Variants in MIPEP observed in about 807,000 individuals in gnomAD.
The protein encoded by MIPEP is mitochondrial intermediate peptidase.
MIPEP carries 79 observed loss-of-function variants against 90.3 expected under a neutral mutation model. The observed-to-expected ratio is 0.87, with a 90% CI of 0.73 to 1.05. The LOEUF (loss-of-function observed/expected upper bound fraction) is 1.05. Ranked by LOEUF, MIPEP falls within the 50% of genes least tolerant of loss-of-function variation. MIPEP has a pLI of 0.00. For synonymous variants in MIPEP, 334 were observed against 315.8 expected (o/e 1.06, Z -0.61); for missense variants, 940 against 905.6 (o/e 1.04, Z -0.49).
intron 18 of MIPEP, among the ~76,000 whole-genome samples, chr13:23,738,461 T>TTTTC (rs1952288545): frequency 6.6e-6 from 1 of 151,508 alleles, no homozygotes; most frequent in Non-Finnish European, 1.5e-5. Context: ...TTTTTTTTTT[T>TTTTC]TTTCTTGAGA....
At chr13:23,832,150 T>G (rs1868800002) in intron 14 of MIPEP, among the ~76,000 whole-genome samples, 1 of 152,152 alleles carries the variant, frequency 6.6e-6, no homozygotes, top group African/African-American at 2.4e-5. Flanking sequence ...ATCCATTGAT[T>G]ATAATGGATT....
intron 16 of MIPEP, among the ~76,000 whole-genome samples, chr13:23,763,996 A>T (rs1481810244): frequency 6.6e-6 from 1 of 152,240 alleles, no homozygotes; most frequent in Non-Finnish European, 1.5e-5. Flanking sequence ...AATAAAATAT[A>T]GCATTTCATC....
rs367730807 is a variant in MIPEP, at chr13:23,889,281, C to T, written c.40G>A (p.Ala14Thr). Residue 14 changes from alanine (A) to threonine (T), a missense_variant, in exon 1 of 19, where the codon GCA (alanine) becomes ACA (threonine). Ala to Thr is a moderately conservative substitution (Grantham distance 58). Coordinates refer to ENST00000382172, the MANE Select transcript of MIPEP (RefSeq NM_005932.4). ...VGRLGGLGAR[A>T]AALPPRRAGR... ...GCCCGGCGGGGCGGCAGAGCTGCTG[C>T]TCTGGCTCCCAAGCCGCCCAGCCTT... 1,115 of 1,374,058 alleles carry T rather than the reference C, an allele frequency of 8.1e-4. 3 individuals carry two copies. The Middle Eastern group carries it at 0.01, about 13-fold the overall frequency. 85.1% of individuals were successfully genotyped at this position (1,374,058 alleles called of 1,614,324 possible). A position where few individuals can be genotyped will look rare whatever the true frequency, so the allele number is the denominator to read the frequency against.
intron 18 of MIPEP, among the ~76,000 whole-genome samples, chr13:23,740,543 G>T (rs1173555978): frequency 1.3e-5 from 2 of 151,646 alleles, no homozygotes; most frequent in Admixed American, 6.6e-5. Flanking sequence ...TTATTAAAAA[G>T]AATTTAATGA....
At chr13:23,880,391 CT>C (rs1322017712) in intron 3 of MIPEP, among the ~76,000 whole-genome samples, 1 of 152,242 alleles carries the variant, frequency 6.6e-6, no homozygotes, top group Non-Finnish European at 1.5e-5. Context: ...AGCTCAGAGG[CT>C]GCCCGCACTG....
At chr13:23,846,034 A>T (rs556107040) in intron 10 of MIPEP, among the ~76,000 whole-genome samples, 1 of 151,162 alleles carries the variant, frequency 6.6e-6, no homozygotes, top group Non-Finnish European at 1.5e-5. Context: ...CCTGCCTCCT[A>T]ATTTTGATAC....
intron 16 of MIPEP, among the ~76,000 whole-genome samples, chr13:23,795,966 G>T (rs1393794396): frequency 1.3e-5 from 2 of 152,004 alleles, no homozygotes; most frequent in African/African-American, 4.8e-5. Context: ...ATGCACTCCA[G>T]CCTAAGTGAT....
intron 16 of MIPEP, among the ~76,000 whole-genome samples, chr13:23,797,130 T>C (rs1360176064): frequency 6.6e-6 from 1 of 152,194 alleles, no homozygotes; most frequent in East Asian, 1.9e-4. Flanking sequence ...AATGAGAACA[T>C]CATGCCAACC....
Position 23,870,015 on chromosome 13 carries a change from A to T in MIPEP, c.784T>A (p.Leu262Met). 1 of 1,588,076 alleles carries T rather than the reference A, an allele frequency of 6.3e-7. No individual in the cohort carries two copies. Among genetic ancestry groups the T allele is most frequent in the Non-Finnish European group, 8.6e-7 (1 of 1,166,286 alleles). Residue 262 changes from leucine to methionine, a missense_variant and splice_region_variant, in exon 6 of 19, where the codon TTG (leucine) becomes ATG (methionine). Coordinates refer to ENST00000382172, the MANE Select transcript of MIPEP (RefSeq NM_005932.4). The part of the protein sequence containing the change: ...DGLHAESPDD[L>M]VREAAYKIFL... ...CAAAGAGAATGAAACATACATACCAAGTCATCTGGTGATTCTGCGTGGAGA... is the reference window on the plus strand; with the variant it reads ...CAAAGAGAATGAAACATACATACCATGTCATCTGGTGATTCTGCGTGGAGA...
At chr13:23,773,543 G>A (rs1952677707) in intron 16 of MIPEP, among the ~76,000 whole-genome samples, 1 of 152,166 alleles carries the variant, frequency 6.6e-6, no homozygotes. Flanking sequence ...CTATGAGACT[G>A]TTTCCCAGAG....
At chr13:23,771,184 C>T (rs1487669303) in intron 16 of MIPEP, among the ~76,000 whole-genome samples, 4 of 152,188 alleles carry the variant, frequency 2.6e-5, no homozygotes, top group Non-Finnish European at 4.4e-5. Flanking sequence ...ACCGTGGCCA[C>T]ACCCACCTCC....
At chr13:23,772,323 C>A (rs1165138039) in intron 16 of MIPEP, among the ~76,000 whole-genome samples, 5 of 150,858 alleles carry the variant, frequency 3.3e-5, no homozygotes, top group African/African-American at 4.9e-5. Flanking sequence ...TTTTTAACAA[C>A]AACAACAAAA....
chr13:23,851,682 T>G (rs549664621), intron 10 of MIPEP, among the ~76,000 whole-genome samples: 25 of 127,752 alleles, frequency 2.0e-4, no homozygotes, highest in South Asian at 8.8e-4. Context: ...TGATATTTCA[T>G]GTCTTTTTTT....
intron 3 of MIPEP, among the ~76,000 whole-genome samples, chr13:23,880,232 TAG>T (rs1481865758): frequency 6.6e-6 from 1 of 152,080 alleles, no homozygotes; most frequent in Non-Finnish European, 1.5e-5. Context: ...TAGTGAAACG[TAG>T]ATAGTCATTA....
intron 15 of MIPEP, among the ~76,000 whole-genome samples, chr13:23,806,886 C>G (rs1641092663): frequency 6.6e-6 from 1 of 152,100 alleles, no homozygotes; most frequent in South Asian, 2.1e-4. Flanking sequence ...GGTCAGAATT[C>G]TAGTTTTGTG....
intron 8 of MIPEP, among the ~76,000 whole-genome samples, chr13:23,863,491 T>C (rs931709624): frequency 6.6e-6 from 1 of 152,088 alleles, no homozygotes; most frequent in Non-Finnish European, 1.5e-5. Flanking sequence ...TATAAAATTA[T>C]CTTCAGGCTA....
At chr13:23,772,494 C>A (rs1565988375) in intron 16 of MIPEP, among the ~76,000 whole-genome samples, 1 of 152,090 alleles carries the variant, frequency 6.6e-6, no homozygotes, top group African/African-American at 2.4e-5. Flanking sequence ...AGTATTCTTA[C>A]AATTATTAGT....
At chr13:23,822,662 C>T (rs570823866) in intron 14 of MIPEP, among the ~76,000 whole-genome samples, 21 of 152,230 alleles carry the variant, frequency 1.4e-4, no homozygotes, top group South Asian at 1.2e-3. Flanking sequence ...GAGAGGACTC[C>T]CAGTGCTCAT....
At chr13:23,758,648 TAC>T (rs1952509880) in intron 17 of MIPEP, among the ~76,000 whole-genome samples, 1 of 152,208 alleles carries the variant, frequency 6.6e-6, no homozygotes, top group South Asian at 2.1e-4. Flanking sequence ...ACCAAATGTC[TAC>T]AGTCTGCAAA....
Sources: gnomAD v4.1 joint callset for allele counts (sites outside exome capture counted in the v4.1 genomes callset) on GRCh38, gnomAD v4.1.1 for gene constraint, MANE v1.5 for transcripts, NCBI Gene and HGNC (gene_info 2026-07-23, HGNC 2026-07-21) for gene names.